ISLR2: variants seen among roughly 807,000 people sequenced by gnomAD.
ISLR2 encodes immunoglobulin superfamily containing leucine rich repeat 2, also known as immunoglobulin superfamily containing leucine-rich repeat protein 2.
In ISLR2, 16 loss-of-function variants were observed where a neutral mutation model predicts 25.5. That is an observed-to-expected ratio of 0.63 (90% CI 0.43 to 0.95). The LOEUF (loss-of-function observed/expected upper bound fraction) is 0.95, where lower values mean the gene tolerates loss of function less well. ISLR2 is among the 40% of genes least tolerant of loss of function. The probability of loss-of-function intolerance (pLI) is 0.00; values close to 1 mark genes in which losing one functional copy is unlikely to be tolerated. For missense variants in ISLR2, 883 were observed against 1,030.7 expected (o/e 0.86, Z 1.96); for synonymous variants, 508 against 486.6 (o/e 1.04, Z -0.58).
At position 74,109,939 on chromosome 15, in the gene ISLR2, C is replaced by T. The variant is rs574444592; in HGVS notation, n.228+6025C>T. Among the ~76,000 whole-genome samples the T allele has an allele frequency of 1.5e-3, 231 of 152,282 alleles. 7 individuals are homozygous for T. In the South Asian group the frequency reaches 0.046, roughly 30 times the overall value. ...CTTCCCAAGTAGCTGAAACCATAGACGCATGCCACCACGCCCGGATGTTTT... is the reference window on the plus strand; with the variant it reads ...CTTCCCAAGTAGCTGAAACCATAGATGCATGCCACCACGCCCGGATGTTTT... On this transcript the variant is annotated intron_variant and non_coding_transcript_variant, in intron 2 of 3. Transcript: ENST00000561975.
At position 74,133,397 on chromosome 15, in the gene ISLR2, C is replaced by A; in HGVS notation, c.643C>A (p.Pro215Thr). Reference sequence around the variant, plus strand: ...CGACTCCATTGCTTGTGCCTCGCCTCCCGCGCTGCAGGGGGTGCCGGTGTA... The same window carrying A: ...CGACTCCATTGCTTGTGCCTCGCCTACCGCGCTGCAGGGGGTGCCGGTGTA... Reference protein sequence around the residue: ...EPDSIACASPPALQGVPVYRL... With the variant: ...EPDSIACASPTALQGVPVYRL... The change falls in exon 3 of 3, where the codon CCC (proline) becomes ACC (threonine). Residue 215 changes from proline to threonine, a missense_variant. By Grantham distance (38) the Pro-to-Thr change is conservative. This residue lies in a region of ISLR2 where 271 missense variants were observed against 387.9 expected (regional missense o/e 0.70). Transcript: ENST00000453268. 3 of 1,607,142 alleles carry A rather than the reference C, an allele frequency of 1.9e-6. No individual in the cohort carries two copies. The highest frequency in any genetic ancestry group is 2.5e-6 in the Non-Finnish European group (3 of 1,179,734).
chr15:74,118,211 G>GC (rs1567155878), intron 2 of ISLR2, among the ~76,000 whole-genome samples: 1 of 152,072 alleles, frequency 6.6e-6, no homozygotes, highest in African/African-American at 2.4e-5. Flanking sequence ...GTTCTGTGAT[G>GC]CCCCCCGAGC....
chr15:74,138,445 G>T (rs2141969708), downstream of ISLR2: 1 of 152,668 alleles, frequency 6.6e-6, no homozygotes, highest in South Asian at 2.1e-4. Context: ...CTGGTGTGAG[G>T]CATCTCACTT....
intron 2 of ISLR2, among the ~76,000 whole-genome samples, chr15:74,108,064 C>T (rs1276001854): frequency 6.6e-6 from 1 of 152,158 alleles, no homozygotes; most frequent in Non-Finnish European, 1.5e-5. Context: ...TGTCGACAGC[C>T]CTGGCCCAGT....
At chr15:74,107,151 A>C (rs2072127346) in intron 2 of ISLR2, among the ~76,000 whole-genome samples, 1 of 152,130 alleles carries the variant, frequency 6.6e-6, no homozygotes, top group African/African-American at 2.4e-5. Context: ...AAAGGCATCC[A>C]GGGTAAAGTG....
intron 1 of ISLR2, 172 bp from the exon 2 acceptor site, chr15:74,131,035 C>CCCT (rs1221034062): frequency 6.6e-6 from 1 of 152,418 alleles, no homozygotes; most frequent in Non-Finnish European, 1.5e-5. Flanking sequence ...GCGGGAGAGG[C>CCCT]TATGCGCGTC....
At chr15:74,107,145 G>C (rs536291902) in intron 2 of ISLR2, among the ~76,000 whole-genome samples, 7 of 152,150 alleles carry the variant, frequency 4.6e-5, no homozygotes, top group Non-Finnish European at 1.0e-4. Context: ...GAATCCAAAG[G>C]CATCCAGGGT....
At chr15:74,137,570 G>A (rs1009170138), downstream of ISLR2, among the ~76,000 whole-genome samples, 1 of 152,190 alleles carries the variant, frequency 6.6e-6, no homozygotes, top group African/African-American at 2.4e-5. Flanking sequence ...GGAGAGACAG[G>A]GGGATCAAGA....
chr15:74,137,648 C>G (rs2072583839), downstream of ISLR2, among the ~76,000 whole-genome samples: 1 of 152,192 alleles, frequency 6.6e-6, no homozygotes, highest in Non-Finnish European at 1.5e-5. Context: ...AGCTGAATCC[C>G]CCTAAGATGG....
At chr15:74,122,165 A>G (rs1467510869) in intron 2 of ISLR2, among the ~76,000 whole-genome samples, 1 of 152,146 alleles carries the variant, frequency 6.6e-6, no homozygotes, top group African/African-American at 2.4e-5. Context: ...GGCTGGGGAC[A>G]TTTCCCATTC....
chr15:74,133,911 G>T lies in ISLR2; in HGVS notation c.1157G>T (p.Gly386Val). ...CCAAAACACGCGCCTGGCGCCGGGG[G>T]AGAACCCGACGGACAGGCCCCGACC... ...GPPKHAPGAG[G>V]EPDGQAPTSE... Residue 386 changes from glycine (G) to valine (V), a missense_variant, in exon 3 of 3, where the codon GGA (glycine) becomes GTA (valine). Gly to Val is a moderately radical substitution (Grantham distance 109, BLOSUM62 -3). Transcript: ENST00000453268. The T allele has an allele frequency of 6.2e-7, 1 of 1,604,832 alleles. No homozygotes were observed. The highest frequency in any genetic ancestry group is 8.5e-7 in the Non-Finnish European group (1 of 1,175,934).
At chr15:74,123,721 A>C (rs1411897785), upstream of ISLR2, among the ~76,000 whole-genome samples, 1 of 152,220 alleles carries the variant, frequency 6.6e-6, no homozygotes, top group Non-Finnish European at 1.5e-5. Flanking sequence ...TCATATAGGG[A>C]CATCTTTGAG....
chr15:74,125,877 C>A (rs1223933395), upstream of ISLR2: 5 of 152,154 alleles, frequency 3.3e-5, no homozygotes, highest in Admixed American at 1.3e-4. Flanking sequence ...TTTTGTTTTT[C>A]CCTAGAAAAT....
upstream of ISLR2, among the ~76,000 whole-genome samples, chr15:74,123,492 A>G (rs1233053844): frequency 6.6e-6 from 1 of 152,184 alleles, no homozygotes; most frequent in East Asian, 1.9e-4. Flanking sequence ...CTAGAAGGAG[A>G]GAGGGCAAGG....
At position 74,134,767 on chromosome 15, in the gene ISLR2, C is replaced by T; in HGVS notation, c.2013C>T (p.Asp671=). The change falls in exon 3 of 3, where the codon GAC becomes GAT. Residue 671 remains aspartate (D), a synonymous_variant. Coordinates refer to ENST00000453268, the MANE Select transcript of ISLR2 (RefSeq NM_020851.3). ...GGEAGGEEPE[D]VQGEGLDEDA... is the part of the protein sequence containing the mutation. The stretch of plus-strand genomic sequence containing the variant: ...AGGCGGGCGGCGAGGAGCCAGAGGA[C>T]GTGCAGGGGGAGGGCCTTGATGAAG... The T allele has an allele frequency of 6.2e-7, 1 of 1,613,886 alleles. No homozygotes were observed.
intron 1 of ISLR2, among the ~76,000 whole-genome samples, chr15:74,100,789 G>A (rs949267130): frequency 6.7e-6 from 1 of 149,794 alleles, no homozygotes; most frequent in African/African-American, 2.5e-5. Flanking sequence ...TCGTCTAGGT[G>A]CCTAGTAAAA....
At position 74,134,798 on chromosome 15, in the gene ISLR2, G is replaced by C. The variant is rs2072532300; in HGVS notation, c.2044G>C (p.Glu682Gln). 1 of 1,614,062 alleles carries C rather than the reference G, an allele frequency of 6.2e-7. No homozygotes were observed. Among genetic ancestry groups the C allele is most frequent in the Non-Finnish European group, 8.5e-7 (1 of 1,179,982 alleles). ...GGGGGAGGGCCTTGATGAAGACGCGGAGCAGGGAGACCCAAGTGGGGACCT... is the reference window on the plus strand; with the variant it reads ...GGGGGAGGGCCTTGATGAAGACGCGCAGCAGGGAGACCCAAGTGGGGACCT... ...VQGEGLDEDA[E>Q]QGDPSGDLQR... Residue 682 changes from glutamate (E) to glutamine (Q), a missense_variant, in exon 3 of 3, where the codon GAG becomes CAG. Around this residue, in one of 2 missense-constraint regions of ISLR2, gnomAD observed 612 missense variants for 642.8 expected, o/e 0.95. Transcript: ENST00000453268.
At position 74,109,951 on chromosome 15, in the gene ISLR2, C is replaced by A. The variant is rs1373443196; in HGVS notation, n.228+6037C>A. On this transcript the variant is annotated intron_variant and non_coding_transcript_variant, in intron 2 of 3. Coordinates refer to the ISLR2 transcript ENST00000561975. Reference sequence around the variant, plus strand: ...CTGAAACCATAGACGCATGCCACCACGCCCGGATGTTTTTTTATTTTTTGT... The same window carrying A: ...CTGAAACCATAGACGCATGCCACCAAGCCCGGATGTTTTTTTATTTTTTGT... 4.6e-5 allele frequency among the ~76,000 whole-genome samples: 7 copies of A among 152,144 alleles called. No individual in the cohort carries two copies. The South Asian group carries it at 1.4e-3, about 32-fold the overall frequency.
intron 2 of ISLR2, among the ~76,000 whole-genome samples, chr15:74,108,922 G>A (rs529744578): frequency 1.3e-5 from 2 of 152,182 alleles, no homozygotes. Flanking sequence ...GGCCCAGGGT[G>A]TGACCTGGGG....
Sources: allele counts gnomAD v4.1 joint callset (sites outside exome capture counted in the v4.1 genomes callset), GRCh38; gene constraint gnomAD v4.1.1; regional missense constraint gnomAD v4.1.1; transcripts MANE v1.5; gene names NCBI Gene and HGNC (gene_info 2026-07-23, HGNC 2026-07-21).